Variants in PAX5 observed in about 807,000 individuals in gnomAD.
PAX5 encodes paired box protein Pax-5.
A neutral mutation model predicts 43.7 loss-of-function variants in PAX5; 9 were observed. The ratio of observed to expected loss-of-function variants is 0.21; its 90% confidence interval spans 0.12 to 0.36. The LOEUF (loss-of-function observed/expected upper bound fraction) is 0.36, where lower values mean the gene tolerates loss of function less well. PAX5 is among the 10% of genes least tolerant of loss of function. PAX5 has a pLI of 1.00. For missense variants in PAX5, 383 were observed against 532.7 expected (o/e 0.72, Z 2.77); for synonymous variants, 228 against 214.3 (o/e 1.06, Z -0.56).
At chr9:36,984,617 T>C (rs1280368357) in intron 5 of PAX5, among the ~76,000 whole-genome samples, 2 of 151,730 alleles carry the variant, frequency 1.3e-5, no homozygotes, top group African/African-American at 4.8e-5. Flanking sequence ...ATTTTTTGTA[T>C]TTTTAGTAGA....
At chr9:37,022,048 C>A (rs1380915028) in intron 1 of PAX5, among the ~76,000 whole-genome samples, 1 of 152,262 alleles carries the variant, frequency 6.6e-6, no homozygotes, top group East Asian at 1.9e-4. Flanking sequence ...TCATGAACCT[C>A]ATCTGAAATA....
chr9:36,863,180 G>C (rs1338978267), intron 8 of PAX5, among the ~76,000 whole-genome samples: 1 of 152,354 alleles, frequency 6.6e-6, no homozygotes, highest in African/African-American at 2.4e-5. Context: ...TGCTGTCACA[G>C]ATCAGGAGAA....
intron 3 of PAX5, among the ~76,000 whole-genome samples, chr9:37,007,100 T>A (rs1238547386): frequency 6.6e-6 from 1 of 151,750 alleles, no homozygotes; most frequent in African/African-American, 2.4e-5. Context: ...CTAGGGAGAG[T>A]CAAAGTGCAG....
In PAX5 at chr9:36,834,621, T is replaced by C. The variant is rs1046292609; in HGVS notation, c.*5939A>G. ...CAACTCTCCATTTCCTCAAATACAA[T>C]AAAATAGTTTCATTAAAATGTATTC... On this transcript the variant is annotated 3_prime_UTR_variant, in exon 10 of 10. Transcript: ENST00000358127. 4.3e-6 allele frequency: 1 copy of C among 233,154 alleles called. No homozygotes were observed. Among genetic ancestry groups the C allele is most frequent in the Non-Finnish European group, 8.5e-6 (1 of 118,054 alleles). The allele number at this position is 233,154 out of a possible 1,614,324, so 14.4% of individuals were successfully genotyped here.
intron 6 of PAX5, among the ~76,000 whole-genome samples, chr9:36,938,006 C>G (rs142689918): frequency 4.2e-4 from 64 of 152,292 alleles, no homozygotes; most frequent in African/African-American, 1.5e-3. Context: ...ATTCTGGCTT[C>G]TAGAAAGATC....
chr9:36,968,481 G>A (rs949121919), intron 5 of PAX5, among the ~76,000 whole-genome samples: 1 of 152,194 alleles, frequency 6.6e-6, no homozygotes, highest in Non-Finnish European at 1.5e-5. Context: ...CAGGCTCAGA[G>A]GACCCAGCAT....
chr9:36,986,697 G>C (rs957606691), intron 5 of PAX5, among the ~76,000 whole-genome samples: 2 of 152,204 alleles, frequency 1.3e-5, no homozygotes, highest in African/African-American at 4.8e-5. Context: ...CTAGGCCCAC[G>C]GGGCGCCCGG....
At chr9:36,994,823 T>G (rs983041154) in intron 5 of PAX5, among the ~76,000 whole-genome samples, 3 of 152,064 alleles carry the variant, frequency 2.0e-5, no homozygotes, top group African/African-American at 7.3e-5. Flanking sequence ...ATTTCCTGAT[T>G]TTGCAATGTT....
At chr9:36,899,331 A>C (rs764453669) in intron 7 of PAX5, among the ~76,000 whole-genome samples, 1 of 152,338 alleles carries the variant, frequency 6.6e-6, no homozygotes, top group Non-Finnish European at 1.5e-5. Context: ...TGTCTAGTAG[A>C]AGACACTAGA....
At chr9:37,028,061 C>T (rs893680835) in intron 1 of PAX5, among the ~76,000 whole-genome samples, 3 of 152,196 alleles carry the variant, frequency 2.0e-5, no homozygotes, top group Non-Finnish European at 4.4e-5. Flanking sequence ...GGGACGCTCT[C>T]AAGGCTTGAG....
At chr9:36,923,105 C>A in intron 7 of PAX5, 1 of 448,768 alleles carries the variant, frequency 2.2e-6, no homozygotes, top group Non-Finnish European at 3.9e-6. Flanking sequence ...TGCCCCCTAC[C>A]CCAAGTCCCC....
chr9:36,858,361 G>A (rs1296011018), intron 8 of PAX5, among the ~76,000 whole-genome samples: 1 of 152,132 alleles, frequency 6.6e-6, no homozygotes, highest in Non-Finnish European at 1.5e-5. Flanking sequence ...CAAACTAGGA[G>A]TCCAAGTCCC....
intron 2 of PAX5, among the ~76,000 whole-genome samples, chr9:37,017,547 T>C (rs528586246): frequency 3.3e-4 from 50 of 152,384 alleles, no homozygotes; most frequent in African/African-American, 9.6e-4. Flanking sequence ...CGAGTGTCTG[T>C]TAGGACAGGC....
At chr9:37,027,087 G>A (rs2132541705) in intron 1 of PAX5, among the ~76,000 whole-genome samples, 1 of 152,356 alleles carries the variant, frequency 6.6e-6, no homozygotes, top group South Asian at 2.1e-4. Flanking sequence ...GTCTCCGCCA[G>A]ATCCTTTCTT....
chr9:36,983,859 C>G (rs1403730807), intron 5 of PAX5, among the ~76,000 whole-genome samples: 1 of 152,196 alleles, frequency 6.6e-6, no homozygotes, highest in Non-Finnish European at 1.5e-5. Flanking sequence ...TAGGGACTAT[C>G]TTCCTAATTT....
chr9:36,971,058 C>T (rs948733404), intron 5 of PAX5, among the ~76,000 whole-genome samples: 6 of 152,230 alleles, frequency 3.9e-5, no homozygotes, highest in African/African-American at 1.4e-4. Context: ...TGACCTCACA[C>T]ATTCATCATT....
intron 3 of PAX5, among the ~76,000 whole-genome samples, chr9:37,008,659 A>G (rs1386032586): frequency 6.6e-6 from 1 of 152,176 alleles, no homozygotes; most frequent in Non-Finnish European, 1.5e-5. Context: ...CACACAGGCC[A>G]TCTGGAGCCT....
chr9:36,938,732 A>G (rs1219683674), intron 6 of PAX5, among the ~76,000 whole-genome samples: 1 of 152,198 alleles, frequency 6.6e-6, no homozygotes, highest in Non-Finnish European at 1.5e-5. Flanking sequence ...CCTTCCTGCC[A>G]CCCTCTGTCA....
At chr9:36,985,485 CGT>C (rs1363220172) in intron 5 of PAX5, among the ~76,000 whole-genome samples, 1 of 152,190 alleles carries the variant, frequency 6.6e-6, no homozygotes, top group Non-Finnish European at 1.5e-5. Flanking sequence ...ACTACTTCCA[CGT>C]GTGTGCCAGG....
Sources: gnomAD v4.1 joint callset for allele counts (sites outside exome capture counted in the v4.1 genomes callset) on GRCh38, gnomAD v4.1.1 for gene constraint, MANE v1.5 for transcripts, NCBI Gene and HGNC (gene_info 2026-07-23, HGNC 2026-07-21) for gene names.